Variants in FHIT observed in about 807,000 individuals in gnomAD.
FHIT encodes the protein fragile histidine triad diadenosine triphosphatase, also known as bis(5'-adenosyl)-triphosphatase.
FHIT carries 19 observed loss-of-function variants against 17.9 expected under a neutral mutation model. That is an observed-to-expected ratio of 1.06 (90% CI 0.74 to 1.56). The LOEUF (loss-of-function observed/expected upper bound fraction) is 1.56. Ranked by LOEUF, FHIT falls within the 40% of genes most tolerant of loss-of-function variation. The probability of loss-of-function intolerance (pLI) is 0.00; values close to 1 mark genes in which losing one functional copy is unlikely to be tolerated. For missense variants in FHIT, 248 were observed against 189.2 expected, an observed-to-expected ratio of 1.31 and a Z score of -1.82; for synonymous variants, 81 against 69.7, an observed-to-expected ratio of 1.16 and a Z score of -0.81.
intron 4 of FHIT, among the ~76,000 whole-genome samples, chr3:60,595,611 ATGTGTGTATGTATATATGTG>A (rs1559567128): frequency 2.3e-5 from 3 of 129,056 alleles, no homozygotes; most frequent in African/African-American, 1.1e-4. Context: ...GTGTAGATAT[ATGTGTGTATGTATATATGTG>A]TGTGTGTGTG....
chr3:61,101,111 G>A (rs1220389577), intron 2 of FHIT, among the ~76,000 whole-genome samples: 9 of 152,194 alleles, frequency 5.9e-5, no homozygotes, highest in African/African-American at 2.2e-4. Flanking sequence ...TGCTTTTGGT[G>A]TTTTAGTCAT....
chr3:61,237,171 A>T (rs2106901876), intron 1 of FHIT, among the ~76,000 whole-genome samples: 1 of 152,350 alleles, frequency 6.6e-6, no homozygotes, highest in Non-Finnish European at 1.5e-5. Context: ...AGTTTTTTAA[A>T]AATAGAGTTT....
Position 61,037,253 on chromosome 3 carries a change from G to A in FHIT, c.-111+4794C>T, listed in dbSNP as rs185632847. On this transcript the variant is annotated intron_variant, in intron 3 of 9. Coordinates refer to ENST00000492590, the MANE Select transcript of FHIT (RefSeq NM_002012.4). ...GCAAACTTTGACCGCTTAGAAAAGC[G>A]CTACAAGACTGGAGTGGTTATGCTT... 1.6e-3 allele frequency among the ~76,000 whole-genome samples: 242 copies of A among 152,206 alleles called. 2 individuals are homozygous for A. The highest frequency in any genetic ancestry group is 9.6e-4 in the Non-Finnish European group (65 of 68,006).
At chr3:60,492,201 A>G (rs1178752992) in intron 5 of FHIT, among the ~76,000 whole-genome samples, 3 of 152,202 alleles carry the variant, frequency 2.0e-5, no homozygotes, top group African/African-American at 7.2e-5. Flanking sequence ...ATTTTACTAT[A>G]TGATGCTTAT....
intron 2 of FHIT, among the ~76,000 whole-genome samples, chr3:61,042,782 G>A (rs1263398830): frequency 6.6e-6 from 1 of 151,744 alleles, no homozygotes; most frequent in African/African-American, 2.4e-5. Flanking sequence ...AGAGGTTGCA[G>A]TGAGCCAAGA....
In FHIT at chr3:60,640,059, A is replaced by C. The variant is rs912407141; in HGVS notation, c.-17-103080T>G. On this transcript the variant is annotated intron_variant, in intron 4 of 9. Coordinates refer to ENST00000492590, the MANE Select transcript of FHIT (RefSeq NM_002012.4). ...GTTCATATTATGGGTTAATTCATTAAAAATCCTAGAAAATGCAAAATCACC... is the reference window on the plus strand; with the variant it reads ...GTTCATATTATGGGTTAATTCATTACAAATCCTAGAAAATGCAAAATCACC... 5.3e-5 allele frequency among the ~76,000 whole-genome samples: 8 copies of C among 152,328 alleles called. No individual in the cohort carries two copies. The East Asian group carries it at 1.5e-3, about 29-fold the overall frequency.
chr3:60,941,750 G>C (rs1319485886), intron 3 of FHIT, among the ~76,000 whole-genome samples: 1 of 152,084 alleles, frequency 6.6e-6, no homozygotes, highest in Non-Finnish European at 1.5e-5. Context: ...TGCACCCTCT[G>C]ATCCCCTATT....
chr3:60,149,887 G>C (rs1029111257), intron 5 of FHIT, among the ~76,000 whole-genome samples: 2 of 147,908 alleles, frequency 1.4e-5, no homozygotes, highest in African/African-American at 5.0e-5. Context: ...TATAATGAAA[G>C]AGTTGTAATG....
intron 2 of FHIT, among the ~76,000 whole-genome samples, chr3:61,105,584 G>A (rs183846479): frequency 1.5e-3 from 226 of 152,020 alleles, no homozygotes; most frequent in Non-Finnish European, 2.7e-3. Context: ...AAAAAAAGTG[G>A]TCTGCATATT....
intron 8 of FHIT, among the ~76,000 whole-genome samples, chr3:59,887,088 A>C (rs138759976): frequency 2.8e-4 from 43 of 152,274 alleles, no homozygotes; most frequent in African/African-American, 1.0e-3. Flanking sequence ...GGGGGAAAGT[A>C]ACAACATGGA....
intron 3 of FHIT, among the ~76,000 whole-genome samples, chr3:60,878,798 G>A (rs557339324): frequency 6.6e-4 from 101 of 152,198 alleles, no homozygotes; most frequent in African/African-American, 2.4e-3. Context: ...CTTCATCCAT[G>A]CCCCTACAAA....
intron 3 of FHIT, among the ~76,000 whole-genome samples, chr3:61,019,158 G>A (rs1276269943): frequency 6.6e-6 from 1 of 152,134 alleles, no homozygotes; most frequent in Non-Finnish European, 1.5e-5. Flanking sequence ...CATAACAACT[G>A]ATATATCAGC....
At chr3:60,102,582 C>T (rs1365674847) in intron 5 of FHIT, among the ~76,000 whole-genome samples, 1 of 151,874 alleles carries the variant, frequency 6.6e-6, no homozygotes, top group Non-Finnish European at 1.5e-5. Context: ...ATCTGTAAAT[C>T]CATAGTTGGC....
intron 9 of FHIT, 121 bp downstream of exon 9, chr3:59,752,100 C>T (rs1700942529): frequency 4.6e-6 from 3 of 653,572 alleles, no homozygotes; most frequent in Non-Finnish European, 7.8e-6. Context: ...GCTCTTTGTC[C>T]TTTGCAGCCA....
chr3:60,031,197 T>A (rs1441841500), intron 5 of FHIT, among the ~76,000 whole-genome samples: 1 of 152,180 alleles, frequency 6.6e-6, no homozygotes, highest in African/African-American at 2.4e-5. Flanking sequence ...AAGTCTGGTG[T>A]TGAGTTGAGG....
chr3:59,891,489 G>A (rs375589225), intron 8 of FHIT, among the ~76,000 whole-genome samples: 123 of 152,288 alleles, frequency 8.1e-4, no homozygotes, highest in African/African-American at 2.7e-3. Context: ...GGGCATGGCC[G>A]TTCTAAGCCA....
chr3:60,181,145 ATTT>A (rs199935934), intron 5 of FHIT, among the ~76,000 whole-genome samples: 6 of 125,564 alleles, frequency 4.8e-5, no homozygotes, highest in Non-Finnish European at 3.2e-5. Flanking sequence ...AATTTTTTTA[ATTT>A]TTTTTTTTTT....
chr3:61,066,402 T>G (rs2034611675), intron 2 of FHIT, among the ~76,000 whole-genome samples: 1 of 152,020 alleles, frequency 6.6e-6, no homozygotes, highest in Non-Finnish European at 1.5e-5. Context: ...TCATCTGAGG[T>G]CAGGAGTTTG....
At chr3:60,517,253 G>A (rs1353464778) in intron 5 of FHIT, among the ~76,000 whole-genome samples, 17 of 152,070 alleles carry the variant, frequency 1.1e-4, no homozygotes, top group Admixed American at 1.1e-3. Context: ...CATTCAGGAG[G>A]TGATTTGAGA....
Sources: gnomAD v4.1 joint callset for allele counts (sites outside exome capture counted in the v4.1 genomes callset) on GRCh38, gnomAD v4.1.1 for gene constraint, MANE v1.5 for transcripts, NCBI Gene and HGNC (gene_info 2026-07-23, HGNC 2026-07-21) for gene names.